Variants in TAF9 observed in about 807,000 individuals in gnomAD.
The protein encoded by TAF9 is transcription initiation factor TFIID subunit 9.
A neutral mutation model predicts 16.5 loss-of-function variants in TAF9; 10 were observed. The ratio of observed to expected loss-of-function variants is 0.61; its 90% CI spans 0.37 to 1.03. The LOEUF is 1.03. Among genes scored for constraint, TAF9 ranks in the 50% least tolerant of loss-of-function variants. The pLI is 0.01. For missense variants in TAF9, 288 were observed against 319.1 expected, an observed-to-expected ratio of 0.90 and a Z score of 0.74; for synonymous variants, 105 against 120.5, an observed-to-expected ratio of 0.87 and a Z score of 0.84.
upstream of TAF9, chr5:69,369,578 C>T (rs1762777360): frequency 3.1e-6 from 5 of 1,604,046 alleles, no homozygotes; most frequent in African/African-American, 1.3e-5. Flanking sequence ...GCAGCAAAAG[C>T]CCACGGCCCC....
intron 2 of TAF9, 154 bp from the exon 3 acceptor site, chr5:69,365,908 G>T: frequency 5.2e-6 from 1 of 191,346 alleles, no homozygotes; most frequent in Middle Eastern, 2.7e-3. Context: ...TTTTAATGAG[G>T]CAACTTAAGG....
Position 69,364,934 on chromosome 5 carries a change from A to C in TAF9, c.*9T>G, listed in dbSNP as rs1350125803. On this transcript the variant is annotated 3_prime_UTR_variant, in exon 3 of 3. Coordinates refer to ENST00000217893, the MANE Select transcript of TAF9 (RefSeq NM_003187.5). Reference sequence around the variant, plus strand: ...ACCAAGTATACATGTTACATTCAGCAAGGCTAGATTACAGATTATCATAGT... The same window carrying C: ...ACCAAGTATACATGTTACATTCAGCCAGGCTAGATTACAGATTATCATAGT... The C allele has an allele frequency of 3.1e-6, 5 of 1,600,476 alleles. No individual in the cohort carries two copies. Among genetic ancestry groups the C allele is most frequent in the Non-Finnish European group, 4.3e-6 (5 of 1,173,876 alleles).
intron 1 of TAF9, among the ~76,000 whole-genome samples, chr5:69,367,571 T>C (rs1762505196): frequency 6.6e-6 from 1 of 152,088 alleles, no homozygotes; most frequent in African/African-American, 2.4e-5. Flanking sequence ...TTTTTCTTTT[T>C]TTAAAGACAA....
At chr5:69,369,629 G>A, upstream of TAF9, 1 of 1,568,568 alleles carries the variant, frequency 6.4e-7, no homozygotes. Context: ...AGCCTGCCCC[G>A]GCGGCCCAGC....
chr5:69,369,492 G>C lies in TAF9; in HGVS notation c.-140C>G, dbSNP rs1762763351. On this transcript the variant is annotated 5_prime_UTR_variant, in exon 1 of 3. Coordinates refer to ENST00000217893, the MANE Select transcript of TAF9 (RefSeq NM_003187.5). ...GAGCAGGATGTTCGGAAGCAACATG[G>C]TCCCCGCCGCGACGGCTTCGGGCGC... The C allele has an allele frequency of 6.2e-7, 1 of 1,611,366 alleles. No homozygotes were observed.
rs143409203 is a variant in TAF9 at position 69,366,709 on chromosome 5, T to C, written c.-110-114A>G. 690 of 749,412 alleles carry C rather than the reference T, an allele frequency of 9.2e-4. 2 individuals carry two copies. In the African/African-American group the frequency reaches 0.01, roughly 11 times the overall value. The allele number at this position is 749,412 out of a possible 1,614,324, so 46.4% of individuals were successfully genotyped here. Reference sequence around the variant, plus strand: ...ACAGAGTCTCACCTGGCCTCTGCCCTTAAAAGTTCTTGACGACTGAAATGA... The same window carrying C: ...ACAGAGTCTCACCTGGCCTCTGCCCCTAAAAGTTCTTGACGACTGAAATGA... On this transcript the variant is annotated intron_variant, in intron 1 of 2. Transcript: ENST00000217893.
At chr5:69,369,342 G>A (rs1762736984) in intron 1 of TAF9, 121 bp downstream of exon 1, 1 of 1,086,084 alleles carries the variant, frequency 9.2e-7, no homozygotes, top group Non-Finnish European at 1.2e-6. Flanking sequence ...CAACCGCCTC[G>A]TGGCCCTCGG....
chr5:69,369,644 G>A (rs1198612279), upstream of TAF9: 24 of 1,562,978 alleles, frequency 1.5e-5, no homozygotes, highest in Non-Finnish European at 2.1e-5. Flanking sequence ...CCCAGCCGCG[G>A]CCCACTGGTT....
upstream of TAF9, chr5:69,369,568 G>A: frequency 6.2e-7 from 1 of 1,606,716 alleles, no homozygotes; most frequent in South Asian, 1.1e-5. Context: ...GGGGCGGGCG[G>A]CAGCAAAAGC....
Position 69,364,806 on chromosome 5 carries a change from T to G in TAF9, c.*137A>C. ...GGCTGATGAAAAACCTTCATTTCAA[T>G]TGAAAAGTATGGTAACTGTGTTTAC... On this transcript the variant is annotated 3_prime_UTR_variant, in exon 3 of 3. Transcript: ENST00000217893. 1.2e-6 allele frequency: 1 copy of G among 807,804 alleles called. No homozygotes were observed. The highest frequency in any genetic ancestry group is 2.0e-6 in the Non-Finnish European group (1 of 507,584). The allele number at this position is 807,804 out of a possible 1,614,324, so 50.0% of individuals were successfully genotyped here. A position where few individuals can be genotyped will look rare whatever the true frequency, so the allele number is the denominator to read the frequency against.
rs1218759784 is a variant in TAF9 at position 69,365,738 on chromosome 5, G to A, written c.-1C>T. On this transcript the variant is annotated 5_prime_UTR_variant, in exon 3 of 3. Coordinates refer to ENST00000217893, the MANE Select transcript of TAF9 (RefSeq NM_003187.5). ...GAGAAGCCGTCTTGCCAGACTCCAT[G>A]ATATCCGATGATCAGACTTTAGATC... is the stretch of plus-strand genomic sequence containing the variant. The A allele has an allele frequency of 3.3e-5, 50 of 1,529,512 alleles. No individual in the cohort carries two copies. Among genetic ancestry groups the A allele is most frequent in the Non-Finnish European group, 4.3e-5 (49 of 1,139,438 alleles). The allele number at this position is 1,529,512 out of a possible 1,614,324, so 94.7% of individuals were successfully genotyped here.
chr5:69,365,205 G>C lies in TAF9; in HGVS notation c.533C>G (p.Thr178Ser). The change falls in exon 3 of 3, where the codon ACT becomes AGT. Residue 178 changes from threonine (T) to serine (S), a missense_variant. By Grantham distance (58) the Thr-to-Ser change is moderately conservative. Transcript: ENST00000217893. ...CCTTTGACCTGTGAGGGACATGGGA[G>C]TCCCTACTTTAGTTGAAACAGACAT... ...QTMSVSTKVGTPMSLTGQRFT... is the reference protein window; with the variant it reads ...QTMSVSTKVGSPMSLTGQRFT... 1.2e-6 allele frequency: 2 copies of C among 1,614,220 alleles called. No homozygotes were observed. The highest frequency in any genetic ancestry group is 1.7e-6 in the Non-Finnish European group (2 of 1,180,038).
At chr5:69,368,644 A>G (rs939674613) in intron 1 of TAF9, among the ~76,000 whole-genome samples, 14 of 152,310 alleles carry the variant, frequency 9.2e-5, no homozygotes, top group African/African-American at 3.4e-4. Context: ...TGAATGATGT[A>G]ACTTTACTGT....
At chr5:69,368,774 T>C (rs2150746860) in intron 1 of TAF9, 1 of 152,318 alleles carries the variant, frequency 6.6e-6, no homozygotes, top group Admixed American at 6.5e-5. Flanking sequence ...GCAAAAATAT[T>C]CGTTAAAGTC....
intron 2 of TAF9, 138 bp downstream of exon 2, chr5:69,366,365 T>C (rs1441801): frequency 1.5e-5 from 10 of 653,132 alleles, no homozygotes; most frequent in African/African-American, 1.3e-4. Context: ...AATATTTCTG[T>C]GGATTCCCTA....
intron 1 of TAF9, 148 bp downstream of exon 1, chr5:69,369,315 G>T: frequency 1.7e-6 from 1 of 596,484 alleles, no homozygotes; most frequent in Non-Finnish European, 2.3e-6. Context: ...CGCGAGGGTC[G>T]GCTCCCGGGG....
upstream of TAF9, chr5:69,369,555 G>A (rs1262614054): frequency 2.5e-6 from 4 of 1,609,194 alleles, no homozygotes; most frequent in African/African-American, 1.3e-5. Flanking sequence ...GGAGGAGCCG[G>A]AAGGGGCGGG....
In TAF9 at chr5:69,365,080, C is replaced by T. The variant is rs961787611; in HGVS notation, c.658G>A (p.Gly220Arg). 7 of 1,613,912 alleles carry T rather than the reference C, an allele frequency of 4.3e-6. No individual in the cohort carries two copies. The highest frequency in any genetic ancestry group is 1.1e-5 in the South Asian group (1 of 91,078). Residue 220 changes from glycine to arginine, a missense_variant, in exon 3 of 3, where the codon GGG (glycine) becomes AGG (arginine). Transcript: ENST00000217893. The part of the protein sequence containing the change: ...QNVLINPSLI[G>R]SKNILITTNM... ...GTGGTAATAAGAATGTTTTTGGACC[C>T]GATTAATGATGGATTAATCAGAACA...
chr5:69,369,245 CGGAGCCTCAGG>C, intron 1 of TAF9: 1 of 223,312 alleles, frequency 4.5e-6, no homozygotes, highest in South Asian at 1.3e-4. Context: ...CGCCCCCCCC[CGGAGCCTCAGG>C]CCAACGGAAT....
Sources: allele counts gnomAD v4.1 joint callset (sites outside exome capture counted in the v4.1 genomes callset), GRCh38; gene constraint gnomAD v4.1.1; transcripts MANE v1.5; gene names NCBI Gene and HGNC (gene_info 2026-07-23, HGNC 2026-07-21).